MAPK8: variants seen among roughly 807,000 people sequenced by gnomAD.
The protein encoded by MAPK8 is mitogen-activated protein kinase 8.
A neutral mutation model predicts 52.9 loss-of-function variants in MAPK8; 13 were observed. That is an observed-to-expected ratio of 0.25 (90% CI 0.16 to 0.39). The LOEUF (loss-of-function observed/expected upper bound fraction) is 0.39. Ranked by LOEUF, MAPK8 falls within the 10% of genes least tolerant of loss-of-function variation. The pLI is 1.00. For missense variants in MAPK8, 300 were observed against 519.2 expected (o/e 0.58, Z 4.10); for synonymous variants, 191 against 169.8 (o/e 1.12, Z -0.97).
chr10:48,371,194 A>G (rs1848500642), intron 1 of MAPK8, among the ~76,000 whole-genome samples: 1 of 152,180 alleles, frequency 6.6e-6, no homozygotes, highest in Non-Finnish European at 1.5e-5. Flanking sequence ...TATTTTTAAA[A>G]TAACTTTAAT....
Position 48,426,517 on chromosome 10 carries a change from C to T in MAPK8, c.996+13C>T. ...TGAAGCAGAAGCTGTAAGTTATTTT[C>T]TTAATGTTTACAGAACATATTGCAT... On this transcript the variant is annotated intron_variant, in intron 9 of 11. Coordinates refer to ENST00000374189, the MANE Select transcript of MAPK8 (RefSeq NM_001323329.2). 1.9e-6 allele frequency: 3 copies of T among 1,605,112 alleles called. No individual in the cohort carries two copies. Among genetic ancestry groups the T allele is most frequent in the Non-Finnish European group, 2.5e-6 (3 of 1,176,678 alleles).
intron 7 of MAPK8, 53 bp downstream of exon 7, chr10:48,424,212 G>A (rs2043533542): frequency 6.9e-7 from 1 of 1,446,566 alleles, no homozygotes; most frequent in African/African-American, 1.4e-5. Flanking sequence ...ACTTCTTTAT[G>A]TTCTCTAATG....
chr10:48,410,436 G>A (rs922983945), intron 5 of MAPK8: 4 of 289,624 alleles, frequency 1.4e-5, no homozygotes, highest in East Asian at 5.8e-5. Flanking sequence ...GAAATACGGC[G>A]TGATGTTTTC....
At chr10:48,307,642 T>C (rs1291292844) in intron 1 of MAPK8, among the ~76,000 whole-genome samples, 1 of 152,266 alleles carries the variant, frequency 6.6e-6, no homozygotes, top group African/African-American at 2.4e-5. Context: ...GCTTGGTCTT[T>C]ACTGCGAATT....
At chr10:48,413,102 T>C (rs552811474) in intron 5 of MAPK8, among the ~76,000 whole-genome samples, 2 of 152,356 alleles carry the variant, frequency 1.3e-5, no homozygotes. Flanking sequence ...GGTTTATCCA[T>C]GTTGTAGCAT....
At chr10:48,346,602 C>T (rs1311602321) in intron 1 of MAPK8, among the ~76,000 whole-genome samples, 1 of 152,112 alleles carries the variant, frequency 6.6e-6, no homozygotes, top group East Asian at 1.9e-4. Flanking sequence ...TTTGCTCCTC[C>T]ACCTCTTGTG....
chr10:48,358,447 G>A (rs1010134481), intron 1 of MAPK8, among the ~76,000 whole-genome samples: 1 of 152,056 alleles, frequency 6.6e-6, no homozygotes, highest in Admixed American at 6.6e-5. Flanking sequence ...CATACTTATT[G>A]GCTGTTTTGG....
intron 1 of MAPK8, among the ~76,000 whole-genome samples, chr10:48,334,120 C>T (rs1306512846): frequency 1.3e-5 from 2 of 152,176 alleles, no homozygotes; most frequent in Non-Finnish European, 2.9e-5. Flanking sequence ...TGCAGGACGG[C>T]TCCACAGAAG....
At chr10:48,329,949 T>C (rs1287128990) in intron 1 of MAPK8, among the ~76,000 whole-genome samples, 1 of 152,204 alleles carries the variant, frequency 6.6e-6, no homozygotes, top group Non-Finnish European at 1.5e-5. Flanking sequence ...AAATTTTTTT[T>C]AAACTAACGG....
chr10:48,390,669 G>C (rs1461388556), intron 1 of MAPK8, among the ~76,000 whole-genome samples: 2 of 152,234 alleles, frequency 1.3e-5, no homozygotes, highest in Non-Finnish European at 2.9e-5. Context: ...CGGAGCGGGG[G>C]CGGTCAGCCT....
intron 1 of MAPK8, among the ~76,000 whole-genome samples, chr10:48,329,137 G>T (rs944528150): frequency 1.3e-5 from 2 of 152,194 alleles, no homozygotes; most frequent in African/African-American, 4.8e-5. Context: ...TAAGTAACTT[G>T]CGCAGGGTCA....
chr10:48,426,311 T>C (rs975703283), intron 8 of MAPK8, 69 bp from the exon 9 acceptor site: 1 of 1,387,498 alleles, frequency 7.2e-7, no homozygotes, highest in African/African-American at 1.5e-5. Flanking sequence ...AAATCTCAAA[T>C]TGCTGAAAGT....
At chr10:48,417,656 A>G (rs1157593868) in intron 5 of MAPK8, among the ~76,000 whole-genome samples, 1 of 152,188 alleles carries the variant, frequency 6.6e-6, no homozygotes, top group African/African-American at 2.4e-5. Flanking sequence ...TGCTGAGTCA[A>G]ACACATTCCC....
chr10:48,340,866 C>G (rs1436266020), intron 1 of MAPK8, among the ~76,000 whole-genome samples: 6 of 152,228 alleles, frequency 3.9e-5, no homozygotes, highest in Non-Finnish European at 5.9e-5. Flanking sequence ...TCACCTTCAC[C>G]TCCTTGATCT....
chr10:48,426,817 A>G (rs2043711835), intron 9 of MAPK8: 1 of 479,290 alleles, frequency 2.1e-6, no homozygotes, highest in Non-Finnish European at 3.7e-6. Flanking sequence ...AAAGGAAAAC[A>G]GAATTCTGTG....
chr10:48,394,416 A>G (rs1024547820), intron 1 of MAPK8, among the ~76,000 whole-genome samples: 3 of 151,954 alleles, frequency 2.0e-5, no homozygotes, highest in Non-Finnish European at 4.4e-5. Flanking sequence ...GATTTATTCC[A>G]TGAATGCAAG....
chr10:48,429,355 AT>A (rs796379015), intron 10 of MAPK8, among the ~76,000 whole-genome samples: 44 of 152,318 alleles, frequency 2.9e-4, no homozygotes, highest in African/African-American at 9.6e-4. Context: ...ATAAGGATAT[AT>A]TTGGGGGTTT....
Position 48,425,935 on chromosome 10 carries a change from C to G in MAPK8, c.736C>G (p.Pro246Ala). Residue 246 changes from proline (P) to alanine (A), a missense_variant, in exon 8 of 12, where the codon CCT becomes GCT. Pro to Ala is a conservative substitution (Grantham distance 27). Transcript: ENST00000374189. ...KVIEQLGTPCPEFMKKLQPTV... is the reference protein window; with the variant it reads ...KVIEQLGTPCAEFMKKLQPTV... ...TATTGAACAGCTTGGAACACCATGT[C>G]CTGAATTCATGAAGAAACTGCAACC... 6.2e-7 allele frequency: 1 copy of G among 1,611,992 alleles called. No homozygotes were observed. Among genetic ancestry groups the G allele is most frequent in the Non-Finnish European group, 8.5e-7 (1 of 1,178,780 alleles).
chr10:48,409,750 C>T, intron 3 of MAPK8, 129 bp from the exon 4 acceptor site: 1 of 669,986 alleles, frequency 1.5e-6, no homozygotes, highest in East Asian at 2.8e-5. Context: ...AAGCAATTAA[C>T]TTGAGCTTAG....
Sources: gnomAD v4.1 joint callset for allele counts (sites outside exome capture counted in the v4.1 genomes callset) on GRCh38, gnomAD v4.1.1 for gene constraint, MANE v1.5 for transcripts, NCBI Gene and HGNC (gene_info 2026-07-23, HGNC 2026-07-21) for gene names.